Variants in PRAG1 observed in about 807,000 individuals in gnomAD.
PRAG1 encodes the protein PEAK1 related, kinase-activating pseudokinase 1, also known as inactive tyrosine-protein kinase PRAG1.
In PRAG1, 110 loss-of-function variants were observed where a neutral mutation model predicts 95.6. The ratio of observed to expected loss-of-function variants is 1.15; its 90% CI spans 0.99 to 1.35. The LOEUF is 1.35. PRAG1 is among the 40% of genes most tolerant of loss of function. PRAG1 has a pLI of 0.00. For synonymous variants in PRAG1, 1,052 were observed against 819.4 expected (o/e 1.28, Z -4.85); for missense variants, 2,554 against 1,864.7 (o/e 1.37, Z -6.81).
intron 2 of PRAG1, among the ~76,000 whole-genome samples, chr8:8,380,690 TA>T (rs1275303620): frequency 6.6e-6 from 1 of 151,470 alleles, no homozygotes; most frequent in East Asian, 1.9e-4. Flanking sequence ...CCATCTCTAC[TA>T]AAAATACAAA....
intron 3 of PRAG1, among the ~76,000 whole-genome samples, chr8:8,360,027 G>T (rs979384155): frequency 6.6e-6 from 1 of 152,080 alleles, no homozygotes; most frequent in South Asian, 2.1e-4. Context: ...AAATCAGCTG[G>T]AGGAAAACCA....
At chr8:8,332,591 G>C (rs1362768530) in intron 4 of PRAG1, among the ~76,000 whole-genome samples, 1 of 152,066 alleles carries the variant, frequency 6.6e-6, no homozygotes, top group East Asian at 1.9e-4. Context: ...ATTACAGCTG[G>C]TGAGAGGTCA....
chr8:8,342,164 G>C (rs1799190338), intron 3 of PRAG1, among the ~76,000 whole-genome samples: 1 of 151,486 alleles, frequency 6.6e-6, no homozygotes, highest in African/African-American at 2.4e-5. Context: ...AATGAATTGA[G>C]TAACTTTCAC....
chr8:8,318,791 G>A lies in PRAG1; in HGVS notation c.3584C>T (p.Ala1195Val), dbSNP rs1434964002. ...APPAGGTLSP[A>V]AGPASPEGPR... ...CCCTTCCGGGGAGGCGGGGCCGGCT[G>A]CGGGGCTGAGAGTGCCACCAGCAGG... Residue 1195 changes from alanine (A) to valine (V), a missense_variant, in exon 6 of 6, where the codon GCA (alanine) becomes GTA (valine). Coordinates refer to ENST00000615670, the MANE Select transcript of PRAG1 (RefSeq NM_001080826.3). This position sits in a 1 kb window ranked among gnomAD's most constrained non-coding sequence, Gnocchi z 4.2. The A allele has an allele frequency of 5.3e-6, 8 of 1,512,190 alleles. No homozygotes were observed. Among genetic ancestry groups the A allele is most frequent in the Non-Finnish European group, 7.1e-6 (8 of 1,128,546 alleles). The allele number at this position is 1,512,190 out of a possible 1,614,324, so 93.7% of individuals were successfully genotyped here. A position where few individuals can be genotyped will look rare whatever the true frequency, so the allele number is the denominator to read the frequency against.
intron 3 of PRAG1, among the ~76,000 whole-genome samples, chr8:8,349,601 G>A (rs901891171): frequency 6.6e-6 from 1 of 151,994 alleles, no homozygotes; most frequent in Non-Finnish European, 1.5e-5. Flanking sequence ...TATTTTTATC[G>A]TTGGAGCTTT....
intron 3 of PRAG1, among the ~76,000 whole-genome samples, chr8:8,365,640 A>T (rs908074349): frequency 7.3e-5 from 11 of 151,216 alleles, no homozygotes; most frequent in Admixed American, 6.6e-4. Flanking sequence ...TAAATAAATA[A>T]ATAAATATAT....
intron 3 of PRAG1, among the ~76,000 whole-genome samples, chr8:8,345,046 GGTGTGTGTGTGT>G (rs57329300): frequency 4.8e-4 from 65 of 134,046 alleles, no homozygotes; most frequent in African/African-American, 1.4e-3. Flanking sequence ...TTATCCGCAG[GGTGTGTGTGTGT>G]GTGTGTGTGT....
chr8:8,327,949 T>C lies in PRAG1; in HGVS notation c.2833A>G (p.Ile945Val). Residue 945 changes from isoleucine (I) to valine (V), a missense_variant, in exon 5 of 6, where the codon ATC becomes GTC. By Grantham distance (29) the Ile-to-Val change is conservative. Coordinates refer to ENST00000615670, the MANE Select transcript of PRAG1 (RefSeq NM_001080826.3). ...GCATAGGTGCCCTCCTTGCTGCTGATGTTGCTCAGGAGACCGTGCAGCTGA... is the reference window on the plus strand; with the variant it reads ...GCATAGGTGCCCTCCTTGCTGCTGACGTTGCTCAGGAGACCGTGCAGCTGA... ...QLQLHGLLSN[I>V]SSKEGTYAKL... is the part of the protein sequence containing the mutation. 1 of 1,612,314 alleles carries C rather than the reference T, an allele frequency of 6.2e-7. No individual in the cohort carries two copies. Among genetic ancestry groups the C allele is most frequent in the South Asian group, 1.1e-5 (1 of 90,908 alleles).
Position 8,318,485 on chromosome 8 carries a change from G to A in PRAG1, c.3890C>T (p.Ser1297Leu). The A allele has an allele frequency of 1.2e-6, 2 of 1,612,366 alleles. No homozygotes were observed. The highest frequency in any genetic ancestry group is 1.7e-5 in the Admixed American group (1 of 59,984). The change falls in exon 6 of 6, where the codon TCA becomes TTA. Residue 1297 changes from serine (S) to leucine (L), a missense_variant. By Grantham distance (145) the Ser-to-Leu change is moderately radical. Transcript: ENST00000615670. This position sits in a 1 kb window ranked among gnomAD's most constrained non-coding sequence, Gnocchi z 4.2. Reference protein sequence around the residue: ...LPPLPALSLYSPGLQQLAHLL... With the variant: ...LPPLPALSLYLPGLQQLAHLL... ...ATGTGCCAGCTGCTGCAGGCCGGGT[G>A]AGTAGAGGGACAGCGCGGGCAGCGG...
chr8:8,333,198 G>A (rs1015973034), intron 4 of PRAG1, among the ~76,000 whole-genome samples: 1 of 152,166 alleles, frequency 6.6e-6, no homozygotes, highest in Non-Finnish European at 1.5e-5. Context: ...CTGGGACCTT[G>A]GCCTATGTCT....
At chr8:8,363,105 A>T (rs1386464463) in intron 3 of PRAG1, among the ~76,000 whole-genome samples, 1 of 148,912 alleles carries the variant, frequency 6.7e-6, no homozygotes. Context: ...ATATATATAT[A>T]TACTTATATA....
At chr8:8,363,843 G>C (rs1914824) in intron 3 of PRAG1, among the ~76,000 whole-genome samples, 4 of 151,958 alleles carry the variant, frequency 2.6e-5, no homozygotes, top group African/African-American at 9.7e-5. Context: ...TTTATATTAA[G>C]TATATTGTGC....
At chr8:8,374,416 A>T (rs2116926613) in intron 3 of PRAG1, among the ~76,000 whole-genome samples, 1 of 152,298 alleles carries the variant, frequency 6.6e-6, no homozygotes, top group South Asian at 2.1e-4. Context: ...CTCAATTTCC[A>T]TGCTCCTTGA....
chr8:8,377,720 T>G lies in PRAG1; in HGVS notation c.689A>C (p.Glu230Ala), dbSNP rs1227676453. Reference protein sequence around the residue: ...GCHQGPGPLRESLPSEDDSDQ... With the variant: ...GCHQGPGPLRASLPSEDDSDQ... ...ACTGTCATCCTCCGAGGGCAGGGATTCCCGCAGGGGCCCAGGGCCCTGGTG... is the reference window on the plus strand; with the variant it reads ...ACTGTCATCCTCCGAGGGCAGGGATGCCCGCAGGGGCCCAGGGCCCTGGTG... The change falls in exon 3 of 6, where the codon GAA (glutamate) becomes GCA (alanine). Residue 230 changes from glutamate (E) to alanine (A), a missense_variant. Physicochemically the swap from Glu to Ala is moderately radical, Grantham distance 107. Transcript: ENST00000615670. The G allele has an allele frequency of 1.9e-6, 3 of 1,613,702 alleles. No individual in the cohort carries two copies. The highest frequency in any genetic ancestry group is 3.3e-5 in the Admixed American group (2 of 59,998).
At chr8:8,353,522 C>T (rs186921681) in intron 3 of PRAG1, among the ~76,000 whole-genome samples, 1 of 151,810 alleles carries the variant, frequency 6.6e-6, no homozygotes, top group Admixed American at 6.6e-5. Flanking sequence ...AATAGAAATA[C>T]AATATATCAA....
Position 8,328,300 on chromosome 8 carries a change from G to A in PRAG1, c.2482C>T (p.Pro828Ser). The A allele has an allele frequency of 6.2e-7, 1 of 1,613,974 alleles. No individual in the cohort carries two copies. Among genetic ancestry groups the A allele is most frequent in the Non-Finnish European group, 8.5e-7 (1 of 1,179,924 alleles). ...CCTTGGGTCCAGAAGAAGCCATCCGGTGAAGAGGCTGCCCGGCTCACTATC... is the reference window on the plus strand; with the variant it reads ...CCTTGGGTCCAGAAGAAGCCATCCGATGAAGAGGCTGCCCGGCTCACTATC... Reference protein sequence around the residue: ...KKIVSRAASSPDGFFWTQGSP... With the variant: ...KKIVSRAASSSDGFFWTQGSP... Residue 828 changes from proline to serine, a missense_variant, in exon 5 of 6, where the codon CCG (proline) becomes TCG (serine). Physicochemically the swap from Pro to Ser is moderately conservative, Grantham distance 74. Coordinates refer to ENST00000615670, the MANE Select transcript of PRAG1 (RefSeq NM_001080826.3).
intron 3 of PRAG1, among the ~76,000 whole-genome samples, chr8:8,370,737 G>C (rs1800165054): frequency 6.6e-6 from 1 of 152,158 alleles, no homozygotes; most frequent in Non-Finnish European, 1.5e-5. Flanking sequence ...AGCCCACACA[G>C]TGAAGTCATG....
chr8:8,327,509 G>A (rs1798669193), intron 5 of PRAG1, among the ~76,000 whole-genome samples: 1 of 152,214 alleles, frequency 6.6e-6, no homozygotes, highest in Non-Finnish European at 1.5e-5. Flanking sequence ...GGCGGAGGCT[G>A]TAGTGAGCCA....
At chr8:8,340,290 C>G (rs932549487) in intron 3 of PRAG1, among the ~76,000 whole-genome samples, 1 of 152,204 alleles carries the variant, frequency 6.6e-6, no homozygotes, top group Non-Finnish European at 1.5e-5. Flanking sequence ...AATAGCATCA[C>G]CAACAGATCA....
Sources: allele counts gnomAD v4.1 joint callset (sites outside exome capture counted in the v4.1 genomes callset), GRCh38; gene constraint gnomAD v4.1.1; non-coding constraint Gnocchi (gnomAD v3.1); transcripts MANE v1.5; gene names NCBI Gene and HGNC (gene_info 2026-07-23, HGNC 2026-07-21).